The following PYCARD variants were observed in gnomAD, a reference collection of about 807,000 sequenced individuals.
PYCARD encodes apoptosis-associated speck-like protein containing a CARD.
PYCARD carries 10 observed loss-of-function variants against 10.0 expected under a neutral mutation model. That is an observed-to-expected ratio of 1.00 (90% CI 0.62 to 1.69). PYCARD has a LOEUF of 1.69. PYCARD is among the 40% of genes most tolerant of loss of function. The pLI is 0.00. For missense variants in PYCARD, 239 were observed against 260.2 expected (o/e 0.92, Z 0.56); for synonymous variants, 121 against 122.3 (o/e 0.99, Z 0.07).
rs1002787067 is a variant in PYCARD at position 31,202,511 on chromosome 16, G to C, written c.180C>G (p.Tyr60Ter). ...TGAGCTCGGCGCCGTAGGTCTCCAGGTAGAAGCTGACCAGCTTGTCGGTGA... is the reference window on the plus strand; with the variant it reads ...TGAGCTCGGCGCCGTAGGTCTCCAGCTAGAAGCTGACCAGCTTGTCGGTGA... The part of the protein sequence containing the change: ...LDLTDKLVSF[Y>*]LETYGAELTA... The change falls in exon 1 of 3, where the codon TAC (tyrosine) becomes TAG (stop). Residue 60 changes from tyrosine to a stop codon, truncating the protein, a stop_gained. Transcript: ENST00000247470. LOFTEE classifies it high-confidence loss of function. The surrounding 1 kb of genome is among the most constrained non-coding windows in gnomAD (Gnocchi z 4.5). 1 of 1,609,346 alleles carries C rather than the reference G, an allele frequency of 6.2e-7. No homozygotes were observed. The highest frequency in any genetic ancestry group is 8.5e-7 in the Non-Finnish European group (1 of 1,178,558).
chr16:31,202,320 T>C lies in PYCARD; in HGVS notation c.274+97A>G. 1 of 1,536,764 alleles carries C rather than the reference T, an allele frequency of 6.5e-7. No homozygotes were observed. The highest frequency in any genetic ancestry group is 8.7e-7 in the Non-Finnish European group (1 of 1,145,510). ...TCCTTTCCGGTAGAGCAGCTTTGTT[T>C]AGGGGTAGGAGGAACAGAAAGCGGA... On this transcript the variant is annotated intron_variant, in intron 1 of 2. Coordinates refer to ENST00000247470, the MANE Select transcript of PYCARD (RefSeq NM_013258.5). The surrounding 1 kb of genome is among the most constrained non-coding windows in gnomAD (Gnocchi z 4.5).
chr16:31,202,173 GCCTGGATC>G lies in PYCARD; in HGVS notation c.297_304del (p.Ile100ProfsTer28). On this transcript the variant is annotated frameshift_variant, in exon 2 of 3. Transcript: ENST00000247470. LOFTEE classifies it low-confidence loss of function (END_TRUNC). The surrounding 1 kb of genome is among the most constrained non-coding windows in gnomAD (Gnocchi z 4.5). ...TGGCTTGGCTGCCGACTGAGGAGGGGCCTGGATCCCAGCTGGCGCGGCTCCAGAGCCTG... is the reference window on the plus strand; with the variant it reads ...TGGCTTGGCTGCCGACTGAGGAGGGGCCAGCTGGCGCGGCTCCAGAGCCTG... 6.2e-7 allele frequency: 1 copy of G among 1,606,996 alleles called. No homozygotes were observed. The highest frequency in any genetic ancestry group is 8.5e-7 in the Non-Finnish European group (1 of 1,179,792).
chr16:31,202,286 T>G lies in PYCARD; in HGVS notation c.275-83A>C. The stretch of plus-strand genomic sequence containing the variant: ...GTCCCGTTGGTCGGTAGGCCAAGCG[T>G]GGGGAGCCTCCTTTCCGGTAGAGCA... On this transcript the variant is annotated intron_variant, in intron 1 of 2. Coordinates refer to ENST00000247470, the MANE Select transcript of PYCARD (RefSeq NM_013258.5). The surrounding 1 kb of genome is among the most constrained non-coding windows in gnomAD (Gnocchi z 4.5). The G allele has an allele frequency of 6.4e-7, 1 of 1,558,346 alleles. No individual in the cohort carries two copies. The highest frequency in any genetic ancestry group is 1.4e-5 in the African/African-American group (1 of 73,564).
Position 31,202,110 on chromosome 16 carries a change from G to C in PYCARD, c.331+37C>G. On this transcript the variant is annotated intron_variant, in intron 2 of 2. Transcript: ENST00000247470. This position sits in a 1 kb window ranked among gnomAD's most constrained non-coding sequence, Gnocchi z 4.5. The stretch of plus-strand genomic sequence containing the variant: ...GGGAGCACAGATGCAGGCTGTGCAG[G>C]AGTGCGGTGGGGCCGGGCTGGGTGT... 1 of 1,597,956 alleles carries C rather than the reference G, an allele frequency of 6.3e-7. No homozygotes were observed. Among genetic ancestry groups the C allele is most frequent in the African/African-American group, 1.3e-5 (1 of 74,892 alleles).
intron 2 of PYCARD, 88 bp from the exon 3 acceptor site, chr16:31,201,929 G>T (rs2144171962): frequency 6.4e-7 from 1 of 1,565,246 alleles, no homozygotes; most frequent in East Asian, 2.3e-5. Context: ...TCCTCTGCAA[G>T]CCTAGGGGCA....
Position 31,201,522 on chromosome 16 carries a change from T to A in PYCARD, c.*63A>T. 6.4e-6 allele frequency: 10 copies of A among 1,571,782 alleles called. No homozygotes were observed. The highest frequency in any genetic ancestry group is 8.6e-6 in the Non-Finnish European group (10 of 1,158,968). ...TTTTCGTATATTGTGTATAAAAAGATCAGATTCAGGATGATTTGGTGGGAT... is the reference window on the plus strand; with the variant it reads ...TTTTCGTATATTGTGTATAAAAAGAACAGATTCAGGATGATTTGGTGGGAT... On this transcript the variant is annotated 3_prime_UTR_variant, in exon 3 of 3. Transcript: ENST00000247470.
In PYCARD at chr16:31,201,592, C is replaced by T. The variant is rs745325772; in HGVS notation, c.581G>A (p.Arg194Gln). ...SQSYLVEDLE[R>Q]S ...TGTTGCTGGGAAGGAGCCTCAGCTC[C>T]GCTCCAGGTCCTCCACCAGGTAGGA... Residue 194 changes from arginine to glutamine, a missense_variant, in exon 3 of 3, where the codon CGG (arginine) becomes CAG (glutamine). Physicochemically the swap from Arg to Gln is conservative, Grantham distance 43 (BLOSUM62 1). Coordinates refer to ENST00000247470, the MANE Select transcript of PYCARD (RefSeq NM_013258.5). 51 of 1,612,462 alleles carry T rather than the reference C, an allele frequency of 3.2e-5. No individual in the cohort carries two copies. Among genetic ancestry groups the T allele is most frequent in the South Asian group, 1.8e-4 (16 of 91,074 alleles).
In PYCARD at chr16:31,202,490, C is replaced by G; in HGVS notation, c.201G>C (p.Glu67Asp). 6.3e-7 allele frequency: 1 copy of G among 1,597,520 alleles called. No individual in the cohort carries two copies. The highest frequency in any genetic ancestry group is 8.5e-7 in the Non-Finnish European group (1 of 1,173,094). The change falls in exon 1 of 3, where the codon GAG becomes GAC. Residue 67 changes from glutamate to aspartate, a missense_variant. By Grantham distance (45) the Glu-to-Asp change is conservative. Transcript: ENST00000247470. This position sits in a 1 kb window ranked among gnomAD's most constrained non-coding sequence, Gnocchi z 4.5. ...VSFYLETYGAELTANVLRDMG... is the reference protein window; with the variant it reads ...VSFYLETYGADLTANVLRDMG... The stretch of plus-strand genomic sequence containing the variant: ...TGTCGCGCAGCACGTTAGCGGTGAG[C>G]TCGGCGCCGTAGGTCTCCAGGTAGA...
Position 31,202,077 on chromosome 16 carries a change from C to G in PYCARD, c.331+70G>C. 1.9e-6 allele frequency: 3 copies of G among 1,557,722 alleles called. No homozygotes were observed. Among genetic ancestry groups the G allele is most frequent in the South Asian group, 2.3e-5 (2 of 85,226 alleles). ...CGTGCCTGCCCTGCCCTGCCCTGCCCTGGTTGCGGGAGCACAGATGCAGGC... is the reference window on the plus strand; with the variant it reads ...CGTGCCTGCCCTGCCCTGCCCTGCCGTGGTTGCGGGAGCACAGATGCAGGC... On this transcript the variant is annotated intron_variant, in intron 2 of 2. Coordinates refer to ENST00000247470, the MANE Select transcript of PYCARD (RefSeq NM_013258.5). This position sits in a 1 kb window ranked among gnomAD's most constrained non-coding sequence, Gnocchi z 4.5.
Position 31,202,121 on chromosome 16 carries a change from G to T in PYCARD, c.331+26C>A. ...TGCAGGCTGTGCAGGAGTGCGGTGG[G>T]GCCGGGCTGGGTGTGGAGGCCTCAC... is the stretch of plus-strand genomic sequence containing the variant. On this transcript the variant is annotated intron_variant, in intron 2 of 2. Transcript: ENST00000247470. This position sits in a 1 kb window ranked among gnomAD's most constrained non-coding sequence, Gnocchi z 4.5. 1.2e-6 allele frequency: 2 copies of T among 1,602,160 alleles called. No homozygotes were observed. Among genetic ancestry groups the T allele is most frequent in the Non-Finnish European group, 8.5e-7 (1 of 1,177,080 alleles).
In PYCARD at chr16:31,201,875, A is replaced by G. The variant is rs761992116; in HGVS notation, c.332-34T>C. 6.2e-6 allele frequency: 10 copies of G among 1,609,008 alleles called. No homozygotes were observed. In the African/African-American group the frequency reaches 8.0e-5, roughly 13 times the overall value. On this transcript the variant is annotated intron_variant, in intron 2 of 2. Coordinates refer to ENST00000247470, the MANE Select transcript of PYCARD (RefSeq NM_013258.5). ...GGGAGGAGAACATGAGCCAGCAGCC[A>G]GGGTGTGGGGCCTGTCCCTGCTGAA...
rs1202971880 is a variant in PYCARD, at chr16:31,202,569, C to T, written c.122G>A (p.Arg41Gln). The change falls in exon 1 of 3, where the codon CGG (arginine) becomes CAG (glutamine). Residue 41 changes from arginine (R) to glutamine (Q), a missense_variant. Transcript: ENST00000247470. This position sits in a 1 kb window ranked among gnomAD's most constrained non-coding sequence, Gnocchi z 4.5. ...GGCGTCCATGGACAGCAGCGCGCCC[C>T]GCGGGATGCGCCCGTAGCCCTCGCG... ...PLREGYGRIP[R>Q]GALLSMDALD... 1.2e-6 allele frequency: 2 copies of T among 1,612,874 alleles called. No homozygotes were observed. Among genetic ancestry groups the T allele is most frequent in the Non-Finnish European group, 1.7e-6 (2 of 1,179,754 alleles).
At chr16:31,201,887 CT>C in intron 2 of PYCARD, 46 bp from the exon 3 acceptor site, 1 of 1,602,346 alleles carries the variant, frequency 6.2e-7, no homozygotes. Context: ...GGTGTGGGGC[CT>C]GTCCCTGCTG....
At chr16:31,201,936 G>A (rs766133154) in intron 2 of PYCARD, 95 bp from the exon 3 acceptor site, 16 of 1,552,964 alleles carry the variant, frequency 1.0e-5, no homozygotes, top group African/African-American at 1.4e-5. Context: ...CAAGCCTAGG[G>A]GCAGGGCTCC....
rs1466684539 is a variant in PYCARD, at chr16:31,201,545, G to C, written c.*40C>G. On this transcript the variant is annotated 3_prime_UTR_variant, in exon 3 of 3. Transcript: ENST00000247470. Reference sequence around the variant, plus strand: ...GATCAGATTCAGGATGATTTGGTGGGATTGCCAGGGGCTGACCGGAGTGTT... The same window carrying C: ...GATCAGATTCAGGATGATTTGGTGGCATTGCCAGGGGCTGACCGGAGTGTT... The C allele has an allele frequency of 1.3e-6, 2 of 1,591,148 alleles. No individual in the cohort carries two copies. Among genetic ancestry groups the C allele is most frequent in the African/African-American group, 2.7e-5 (2 of 74,008 alleles).
At chr16:31,201,864 A>T in intron 2 of PYCARD, 23 bp from the exon 3 acceptor site, 1 of 1,610,290 alleles carries the variant, frequency 6.2e-7, no homozygotes, top group Non-Finnish European at 8.5e-7. Flanking sequence ...GGAGAACATG[A>T]GCCAGCAGCC....
chr16:31,202,307 G>A lies in PYCARD; in HGVS notation c.275-104C>T. 6.5e-7 allele frequency: 1 copy of A among 1,542,674 alleles called. No homozygotes were observed. The highest frequency in any genetic ancestry group is 8.7e-7 in the Non-Finnish European group (1 of 1,148,840). On this transcript the variant is annotated intron_variant, in intron 1 of 2. Coordinates refer to ENST00000247470, the MANE Select transcript of PYCARD (RefSeq NM_013258.5). This position sits in a 1 kb window ranked among gnomAD's most constrained non-coding sequence, Gnocchi z 4.5. ...AGCGTGGGGAGCCTCCTTTCCGGTA[G>A]AGCAGCTTTGTTTAGGGGTAGGAGG...
rs1280607753 is a variant in PYCARD, at chr16:31,202,430, C to T, written c.261G>A (p.Ala87=). The T allele has an allele frequency of 2.6e-6, 4 of 1,541,300 alleles. No individual in the cohort carries two copies. The highest frequency in any genetic ancestry group is 1.7e-4 in the Middle Eastern group (1 of 5,922). Residue 87 remains alanine (A), a synonymous_variant, in exon 1 of 3, where the codon GCG becomes GCA. Coordinates refer to ENST00000247470, the MANE Select transcript of PYCARD (RefSeq NM_013258.5). The surrounding 1 kb of genome is among the most constrained non-coding windows in gnomAD (Gnocchi z 4.5). ...GLQEMAGQLQ[A]ATHQGSGAAP... ...GGGGCGGCTCACCCTGGTGCGTGGC[C>T]GCCTGCAGCTGCCCGGCCATCTCCT...
In PYCARD at chr16:31,202,355, G is replaced by C; in HGVS notation, c.274+62C>G. On this transcript the variant is annotated intron_variant, in intron 1 of 2. Coordinates refer to ENST00000247470, the MANE Select transcript of PYCARD (RefSeq NM_013258.5). This position sits in a 1 kb window ranked among gnomAD's most constrained non-coding sequence, Gnocchi z 4.5. The stretch of plus-strand genomic sequence containing the variant: ...AGGAACAGAAAGCGGAAGAGCCCGC[G>C]GGGTAAGCGCTGGTGTGGGTGGAGG... The C allele has an allele frequency of 6.5e-7, 1 of 1,531,592 alleles. No homozygotes were observed. Among genetic ancestry groups the C allele is most frequent in the Admixed American group, 2.0e-5 (1 of 50,720 alleles). 94.9% of individuals were successfully genotyped at this position (1,531,592 alleles called of 1,614,324 possible).
Sources: gnomAD v4.1 joint callset for allele counts on GRCh38, gnomAD v4.1.1 for gene constraint, Gnocchi (gnomAD v3.1) non-coding constraint, MANE v1.5 for transcripts, NCBI Gene and HGNC (gene_info 2026-07-23, HGNC 2026-07-21) for gene names.